Variants in MBTPS2 observed in about 807,000 individuals in gnomAD.
The protein encoded by MBTPS2 is membrane-bound transcription factor site-2 protease.
A neutral mutation model predicts 35.4 loss-of-function variants in MBTPS2; 2 were observed. That is an observed-to-expected ratio of 0.06 (90% CI 0.02 to 0.18). MBTPS2 has a LOEUF of 0.18. Among genes scored for constraint, MBTPS2 ranks in the 10% least tolerant of loss-of-function variants. The pLI is 1.00. For synonymous variants in MBTPS2, 125 were observed against 140.4 expected, an observed-to-expected ratio of 0.89 and a Z score of 0.77; for missense variants, 244 against 386.5, an observed-to-expected ratio of 0.63 and a Z score of 3.09.
At chrX:21,879,714 G>A (rs1288564473) in intron 9 of MBTPS2, among the ~76,000 whole-genome samples, 3 of 110,485 alleles carry the variant, frequency 2.7e-5, no homozygotes, top group Non-Finnish European at 5.7e-5. Context: ...CCAGCCCTTG[G>A]CAATCTCCAA....
chrX:21,847,000 T>C (rs186213546), intron 3 of MBTPS2, among the ~76,000 whole-genome samples: 2 of 111,626 alleles, frequency 1.8e-5, no homozygotes, highest in African/African-American at 6.5e-5. Flanking sequence ...AGTAAGCTTT[T>C]GGAGTGGAAT....
chrX:21,853,546 G>A, intron 5 of MBTPS2, 43 bp downstream of exon 5: 1 of 1,175,396 alleles, frequency 8.5e-7, no homozygotes, highest in Non-Finnish European at 1.2e-6. Flanking sequence ...TGTGGTTTTG[G>A]TTTTGATTTT....
chrX:21,859,909 A>G (rs762754717), intron 5 of MBTPS2, among the ~76,000 whole-genome samples: 2 of 110,900 alleles, frequency 1.8e-5, no homozygotes, highest in East Asian at 2.8e-4. Flanking sequence ...CCTGGGCAAC[A>G]TGGCATAACT....
rs1276442328 is a variant in MBTPS2 at position 21,869,584 on chromosome X, T to C, written c.876T>C (p.Asp292=). The C allele has an allele frequency of 8.3e-7, 1 of 1,207,238 alleles. No homozygotes were observed. Among genetic ancestry groups the C allele is most frequent in the Admixed American group, 2.2e-5 (1 of 45,689 alleles). Residue 292 remains aspartate (D), a synonymous_variant, in exon 7 of 11, where the codon GAT becomes GAC. Coordinates refer to ENST00000379484, the MANE Select transcript of MBTPS2 (RefSeq NM_015884.4). ...LQDCPVTNVQ[D]WNECLDTIAY... The stretch of plus-strand genomic sequence containing the variant: ...ATTGTCCTGTTACTAATGTGCAAGA[T>C]TGGAATGAATGTTTAGATACCATCG...
intron 1 of MBTPS2, among the ~76,000 whole-genome samples, chrX:21,841,382 A>G (rs1007495276): frequency 5.4e-5 from 6 of 111,646 alleles, no homozygotes; most frequent in Non-Finnish European, 1.1e-4. Flanking sequence ...AGATCGTGCC[A>G]CTGCACTTTG....
At position 21,883,049 on chromosome X, in the gene MBTPS2, G is replaced by A; in HGVS notation, c.*394G>A. On this transcript the variant is annotated 3_prime_UTR_variant, in exon 11 of 11. Coordinates refer to ENST00000379484, the MANE Select transcript of MBTPS2 (RefSeq NM_015884.4). ...AAAGCATCATTAATCAAAATTTGAA[G>A]GAGACCAGACTTTGGCCAAGTGGAA... The A allele has an allele frequency of 1.2e-6, 1 of 821,579 alleles. No individual in the cohort carries two copies. 67.7% of individuals were successfully genotyped at this position (821,579 alleles called of 1,213,427 possible).
intron 5 of MBTPS2, among the ~76,000 whole-genome samples, chrX:21,860,640 G>T (rs2147441431): frequency 9.0e-6 from 1 of 111,314 alleles, no homozygotes; most frequent in East Asian, 2.8e-4. Flanking sequence ...CTAGCTACAT[G>T]CCTGACGAGA....
intron 10 of MBTPS2, among the ~76,000 whole-genome samples, chrX:21,882,177 C>T (rs2092960244): frequency 2.7e-5 from 3 of 111,979 alleles, no homozygotes; most frequent in South Asian, 7.4e-4. Context: ...AGTCTTCCTA[C>T]GAGTTCATTA....
chrX:21,857,652 G>T (rs759188549), intron 5 of MBTPS2: 2 of 1,126,956 alleles, frequency 1.8e-6, no homozygotes, highest in Non-Finnish European at 2.4e-6. Context: ...CAGGACTGCG[G>T]TAGGGAATAA....
Position 21,878,618 on chromosome X carries a change from G to T in MBTPS2, c.1187G>T (p.Arg396Leu). 1 of 1,206,292 alleles carries T rather than the reference G, an allele frequency of 8.3e-7. No homozygotes were observed. Among genetic ancestry groups the T allele is most frequent in the Non-Finnish European group, 1.1e-6 (1 of 891,091 alleles). ...CIIPSLETHT[R>L]LIKVKHPPQI... ...ATACCTTCTTTGGAAACTCACACTCGCTTAATAAAAGTAAAACACCCACCT... is the reference window on the plus strand; with the variant it reads ...ATACCTTCTTTGGAAACTCACACTCTCTTAATAAAAGTAAAACACCCACCT... Residue 396 changes from arginine to leucine, a missense_variant, in exon 9 of 11, where the codon CGC (arginine) becomes CTC (leucine). By Grantham distance (102) the Arg-to-Leu change is moderately radical. Coordinates refer to ENST00000379484, the MANE Select transcript of MBTPS2 (RefSeq NM_015884.4).
intron 8 of MBTPS2, 115 bp from the exon 9 acceptor site, chrX:21,878,382 C>A (rs1244371202): frequency 1.7e-6 from 1 of 599,084 alleles, no homozygotes; most frequent in Non-Finnish European, 2.7e-6. Flanking sequence ...AATGGCATTT[C>A]TTTTATATGA....
chrX:21,882,554 A>G lies in MBTPS2; in HGVS notation c.1459A>G (p.Asn487Asp). The change falls in exon 11 of 11, where the codon AAT becomes GAT. Residue 487 changes from asparagine to aspartate, a missense_variant. Transcript: ENST00000379484. ...DATLTSVIGDNDVKDLIGFFI... is the reference protein window; with the variant it reads ...DATLTSVIGDDDVKDLIGFFI... ...CACCCTTACCTCAGTGATTGGAGAC[A>G]ATGATGTCAAAGATCTAATAGGGTT... is the stretch of plus-strand genomic sequence containing the variant. 8.3e-7 allele frequency: 1 copy of G among 1,211,272 alleles called. No individual in the cohort carries two copies. The highest frequency in any genetic ancestry group is 1.1e-6 in the Non-Finnish European group (1 of 895,094).
intron 5 of MBTPS2, among the ~76,000 whole-genome samples, chrX:21,860,242 G>A (rs138833676): frequency 0.054 from 5,981 of 111,311 alleles, 180 homozygotes; most frequent in Non-Finnish European, 0.087. Flanking sequence ...ACCATCCCCC[G>A]GCTACTTAAA....
intron 7 of MBTPS2, chrX:21,870,382 C>T (rs965088777): frequency 5.4e-5 from 6 of 111,126 alleles, no homozygotes; most frequent in African/African-American, 1.6e-4. Flanking sequence ...TAATAAGAAC[C>T]GGTTCTACTT....
chrX:21,871,926 A>G (rs934884848), intron 7 of MBTPS2: 4 of 109,146 alleles, frequency 3.7e-5, no homozygotes, highest in African/African-American at 1.0e-4. Flanking sequence ...AACACTTCAT[A>G]AACAGCGCTT....
At chrX:21,840,116 C>T (rs1206913209) in intron 1 of MBTPS2, among the ~76,000 whole-genome samples, 1 of 112,526 alleles carries the variant, frequency 8.9e-6, no homozygotes, top group Non-Finnish European at 1.9e-5. Context: ...AGCTGCAGTG[C>T]AGCAGGGAGG....
At chrX:21,850,723 C>T (rs889181019) in intron 3 of MBTPS2, among the ~76,000 whole-genome samples, 1 of 111,705 alleles carries the variant, frequency 9.0e-6, no homozygotes, top group Non-Finnish European at 1.9e-5. Flanking sequence ...CAGCTCTTAT[C>T]TTCCCTTGTG....
At chrX:21,861,669 A>G (rs2092931443) in intron 5 of MBTPS2, among the ~76,000 whole-genome samples, 1 of 109,905 alleles carries the variant, frequency 9.1e-6, no homozygotes, top group Non-Finnish European at 1.9e-5. Context: ...ACTGCACTCC[A>G]ACCTGGGCAA....
In MBTPS2 at chrX:21,863,920, A is replaced by G. The variant is rs781038119; in HGVS notation, c.671-4547A>G. On this transcript the variant is annotated intron_variant, in intron 5 of 10. Coordinates refer to ENST00000379484, the MANE Select transcript of MBTPS2 (RefSeq NM_015884.4). ...CTTGCCCTGAATTCAAGACAGGACAAATTCAAAGATCTGGAATTGTCTCTA... is the reference window on the plus strand; with the variant it reads ...CTTGCCCTGAATTCAAGACAGGACAGATTCAAAGATCTGGAATTGTCTCTA... 6.3e-5 allele frequency among the ~76,000 whole-genome samples: 7 copies of G among 111,748 alleles called. No individual in the cohort carries two copies. In the South Asian group the frequency reaches 2.6e-3, roughly 42 times the overall value.
Sources: allele counts gnomAD v4.1 joint callset (sites outside exome capture counted in the v4.1 genomes callset), GRCh38; gene constraint gnomAD v4.1.1; transcripts MANE v1.5; gene names NCBI Gene and HGNC (gene_info 2026-07-23, HGNC 2026-07-21).